Variants in NAA16 observed in about 807,000 individuals in gnomAD.
The protein encoded by NAA16 is NARG1-like protein.
NAA16 carries 97 observed loss-of-function variants against 110.3 expected under a neutral mutation model. That is an observed-to-expected ratio of 0.88 (90% CI 0.75 to 1.04). The LOEUF (loss-of-function observed/expected upper bound fraction) is 1.04. NAA16 is among the 50% of genes least tolerant of loss of function. NAA16 has a pLI of 0.00. For missense variants in NAA16, 1,017 were observed against 1,005.1 expected (o/e 1.01, Z -0.16); for synonymous variants, 372 against 330.6 (o/e 1.13, Z -1.36).
At chr13:41,368,792 AC>A (rs2043257542) in intron 14 of NAA16, among the ~76,000 whole-genome samples, 2 of 152,242 alleles carry the variant, frequency 1.3e-5, no homozygotes, top group African/African-American at 2.4e-5. Context: ...ATACCTATAG[AC>A]CATAATATAA....
chr13:41,369,284 G>T lies in NAA16; in HGVS notation c.1947+1G>T. ...ACTTATACCTGAAAAATTAGAAAGG[G>T]TGAGATGGGTTTTACTATCTTTGTT... On this transcript the variant is annotated splice_donor_variant, in intron 15 of 19. Transcript: ENST00000379406. LOFTEE classifies it high-confidence loss of function. 6.4e-7 allele frequency: 1 copy of T among 1,556,774 alleles called. No homozygotes were observed. The highest frequency in any genetic ancestry group is 8.6e-7 in the Non-Finnish European group (1 of 1,162,000).
chr13:41,369,812 A>G (rs1226048060), intron 15 of NAA16, among the ~76,000 whole-genome samples: 1 of 152,192 alleles, frequency 6.6e-6, no homozygotes, highest in Non-Finnish European at 1.5e-5. Flanking sequence ...CATTGAACGG[A>G]TTCCCCCTTC....
At chr13:41,349,730 C>T (rs972402196) in intron 9 of NAA16, among the ~76,000 whole-genome samples, 4 of 151,852 alleles carry the variant, frequency 2.6e-5, no homozygotes, top group Admixed American at 1.3e-4. Context: ...TTGGGGAGGC[C>T]GAGGTGGGTA....
intron 5 of NAA16, among the ~76,000 whole-genome samples, chr13:41,323,611 C>G (rs2042005699): frequency 6.6e-6 from 1 of 151,030 alleles, no homozygotes; most frequent in Non-Finnish European, 1.5e-5. Context: ...CTCGGCCTCC[C>G]AAAGTGCTGG....
intron 14 of NAA16, 114 bp downstream of exon 14, chr13:41,367,766 A>G: frequency 3.0e-6 from 2 of 671,214 alleles, no homozygotes; most frequent in Non-Finnish European, 4.6e-6. Context: ...TTGAAGACAA[A>G]CATTAGATAA....
intron 3 of NAA16, among the ~76,000 whole-genome samples, chr13:41,320,165 G>A (rs2041911814): frequency 6.6e-6 from 1 of 152,032 alleles, no homozygotes; most frequent in South Asian, 2.1e-4. Flanking sequence ...ATTTTTTGTG[G>A]CCTTTAATAT....
At chr13:41,338,561 A>G (rs2042444926) in intron 9 of NAA16, among the ~76,000 whole-genome samples, 1 of 152,228 alleles carries the variant, frequency 6.6e-6, no homozygotes, top group Non-Finnish European at 1.5e-5. Flanking sequence ...TGCAAAATGA[A>G]TTAAACTGCA....
chr13:41,335,228 G>GATA (rs2042348694), intron 8 of NAA16, among the ~76,000 whole-genome samples: 1 of 151,866 alleles, frequency 6.6e-6, no homozygotes, highest in African/African-American at 2.4e-5. Context: ...TATCAGAGAA[G>GATA]AGACATTTAT....
At chr13:41,312,547 C>T (rs541108992) in intron 1 of NAA16, among the ~76,000 whole-genome samples, 18 of 152,080 alleles carry the variant, frequency 1.2e-4, no homozygotes, top group African/African-American at 2.9e-4. Context: ...TCTAGTTTAT[C>T]TTTTCACCTG....
At chr13:41,372,663 AC>A (rs2043345334) in intron 16 of NAA16, 68 bp from the exon 17 acceptor site, 1 of 1,422,018 alleles carries the variant, frequency 7.0e-7, no homozygotes, top group Middle Eastern at 2.1e-4. Flanking sequence ...CTTAAGTGAG[AC>A]TGAAATAAAG....
chr13:41,370,727 A>C (rs2043299626), intron 15 of NAA16, among the ~76,000 whole-genome samples: 1 of 152,136 alleles, frequency 6.6e-6, no homozygotes. Flanking sequence ...TCAACTCCAA[A>C]AGTGTAGAAG....
chr13:41,370,971 C>T (rs998301025), intron 15 of NAA16, among the ~76,000 whole-genome samples: 1 of 152,182 alleles, frequency 6.6e-6, no homozygotes, highest in Non-Finnish European at 1.5e-5. Flanking sequence ...TAAATCCCTG[C>T]TGGTGTCCAG....
intron 17 of NAA16, chr13:41,373,331 C>G: frequency 2.4e-6 from 1 of 411,384 alleles, no homozygotes; most frequent in Non-Finnish European, 3.3e-6. Flanking sequence ...GATCTTGGCT[C>G]ACTGCAACCT....
rs1479931124 is a variant in NAA16 at position 41,323,207 on chromosome 13, T to G, written c.537+17T>G. 6.2e-7 allele frequency: 1 copy of G among 1,612,194 alleles called. No individual in the cohort carries two copies. Among genetic ancestry groups the G allele is most frequent in the Non-Finnish European group, 8.5e-7 (1 of 1,178,778 alleles). On this transcript the variant is annotated intron_variant, in intron 5 of 19. Coordinates refer to ENST00000379406, the MANE Select transcript of NAA16 (RefSeq NM_024561.5). ...ACTCAGCAAGTAAGAATTTTAATGT[T>G]TCCTTCTACCTTCATAAATGGAGTA...
intron 9 of NAA16, among the ~76,000 whole-genome samples, chr13:41,338,685 A>G (rs867542344): frequency 3.3e-5 from 5 of 152,258 alleles, no homozygotes; most frequent in Middle Eastern, 6.8e-3. Flanking sequence ...TCATGAGACC[A>G]TTTTATTTAT....
intron 7 of NAA16, among the ~76,000 whole-genome samples, chr13:41,330,178 GT>G (rs1324685826): frequency 1.3e-5 from 2 of 150,674 alleles, no homozygotes; most frequent in Admixed American, 6.6e-5. Context: ...AGAGAGCGAG[GT>G]TTTTTTTTGT....
chr13:41,369,252 AG>A lies in NAA16; in HGVS notation c.1918del (p.Glu640LysfsTer8). ...DEEEEEASGLKEELIPEKLER... is the reference protein window; with the variant it reads ...DEEEEEASGLXEELIPEKLER... ...GAAGAAGAAGAAGCCAGTGGCCTTA[AG>A]GAAGAACTTATACCTGAAAAATTAG... On this transcript the variant is annotated frameshift_variant, in exon 15 of 20. Transcript: ENST00000379406. LOFTEE classifies it high-confidence loss of function. The A allele has an allele frequency of 3.2e-6, 5 of 1,581,142 alleles. No individual in the cohort carries two copies. The highest frequency in any genetic ancestry group is 4.3e-6 in the Non-Finnish European group (5 of 1,172,006).
rs769716441 is a variant in NAA16 at position 41,367,470 on chromosome 13, A to T, written c.1571A>T (p.Asp524Val). Reference protein sequence around the residue: ...HFFEITDDQFDFHTYCMRKMT... With the variant: ...HFFEITDDQFVFHTYCMRKMT... ...TTTGAGATAACTGATGACCAATTCG[A>T]CTTCCATACATACTGCATGAGAAAG... The change falls in exon 14 of 20, where the codon GAC (aspartate) becomes GTC (valine). Residue 524 changes from aspartate (D) to valine (V), a missense_variant. Asp to Val is a radical substitution (Grantham distance 152, BLOSUM62 -3). Transcript: ENST00000379406. 3.7e-6 allele frequency: 6 copies of T among 1,603,692 alleles called. No individual in the cohort carries two copies. The South Asian group carries it at 5.6e-5, about 15-fold the overall frequency.
Position 41,320,709 on chromosome 13 carries a change from A to G in NAA16, c.287A>G (p.Tyr96Cys). The change falls in exon 4 of 20, where the codon TAT becomes TGT. Residue 96 changes from tyrosine to cysteine, a missense_variant. Tyr to Cys is a radical substitution (Grantham distance 194, BLOSUM62 -2). Transcript: ENST00000379406. ...YGLLQRSDKK[Y>C]DEAIKCYRNA... The stretch of plus-strand genomic sequence containing the variant: ...CTCTTGCAGCGTTCTGATAAAAAAT[A>G]TGATGAAGCTATAAAATGTTACCGA... 1 of 1,612,266 alleles carries G rather than the reference A, an allele frequency of 6.2e-7. No homozygotes were observed. Among genetic ancestry groups the G allele is most frequent in the East Asian group, 2.2e-5 (1 of 44,852 alleles).
Sources: gnomAD v4.1 joint callset for allele counts (sites outside exome capture counted in the v4.1 genomes callset) on GRCh38, gnomAD v4.1.1 for gene constraint, MANE v1.5 for transcripts, NCBI Gene and HGNC (gene_info 2026-07-23, HGNC 2026-07-21) for gene names.